Variants in CMSS1 observed in about 807,000 individuals in gnomAD.
CMSS1 encodes cms1 ribosomal small subunit homolog.
A neutral mutation model predicts 43.5 loss-of-function variants in CMSS1; 33 were observed. The ratio of observed to expected loss-of-function variants is 0.76; its 90% CI spans 0.57 to 1.01. The LOEUF (loss-of-function observed/expected upper bound fraction) is 1.01. CMSS1 is among the 50% of genes least tolerant of loss of function. The pLI is 0.00. For synonymous variants in CMSS1, 115 were observed against 117.2 expected, an observed-to-expected ratio of 0.98 and a Z score of 0.12; for missense variants, 313 against 326.4, an observed-to-expected ratio of 0.96 and a Z score of 0.32.
intron 1 of CMSS1, chr3:100,010,239 A>G (rs1710104162): frequency 2.0e-6 from 1 of 505,750 alleles, no homozygotes; most frequent in African/African-American, 2.1e-5. Context: ...ATTTCTCAGT[A>G]TGTTTTTCCC....
chr3:99,828,174 G>A (rs1451140274), intron 1 of CMSS1, among the ~76,000 whole-genome samples: 1 of 152,092 alleles, frequency 6.6e-6, no homozygotes, highest in Non-Finnish European at 1.5e-5. Context: ...TTCACTAAGG[G>A]ATTCCAATGG....
At chr3:99,964,397 G>C (rs1708585158) in intron 1 of CMSS1, 1 of 150,532 alleles carries the variant, frequency 6.6e-6, no homozygotes, top group Non-Finnish European at 1.5e-5. Flanking sequence ...TACTGGGCTA[G>C]GTGATGTTTA....
chr3:100,165,625 A>G (rs2067059805), intron 4 of CMSS1, among the ~76,000 whole-genome samples: 1 of 152,104 alleles, frequency 6.6e-6, no homozygotes, highest in Non-Finnish European at 1.5e-5. Flanking sequence ...CAGCGTTTCC[A>G]TCTACCACAT....
chr3:100,114,254 A>C (rs1370422160), intron 1 of CMSS1: 1 of 151,530 alleles, frequency 6.6e-6, no homozygotes, highest in African/African-American at 2.4e-5. Flanking sequence ...AAGGAGAGGC[A>C]GTGGGGAGCC....
intron 1 of CMSS1, among the ~76,000 whole-genome samples, chr3:99,825,403 A>G (rs1942517932): frequency 6.6e-6 from 1 of 152,208 alleles, no homozygotes; most frequent in African/African-American, 2.4e-5. Context: ...GGAAGGAAAG[A>G]AGAAAGAGGA....
At chr3:100,116,739 A>G (rs2066574414) in intron 1 of CMSS1, among the ~76,000 whole-genome samples, 1 of 152,138 alleles carries the variant, frequency 6.6e-6, no homozygotes. Context: ...AACCCTTTCC[A>G]TATTTGTAAC....
chr3:99,932,240 G>A (rs923356969), intron 1 of CMSS1, among the ~76,000 whole-genome samples: 1 of 151,910 alleles, frequency 6.6e-6, no homozygotes, highest in Non-Finnish European at 1.5e-5. Flanking sequence ...TCATTCCCCT[G>A]TATGTTTCAT....
At chr3:100,159,709 C>A (rs756290320) in intron 2 of CMSS1, 1 of 257,232 alleles carries the variant, frequency 3.9e-6, no homozygotes, top group East Asian at 8.4e-5. Flanking sequence ...AAATCAAGGT[C>A]TTAGTCCAAA....
chr3:99,849,803 T>A, intron 1 of CMSS1: 1 of 1,613,042 alleles, frequency 6.2e-7, no homozygotes, highest in East Asian at 2.2e-5. Context: ...AGCTCCTTAA[T>A]CTTATTGTTT....
intron 1 of CMSS1, among the ~76,000 whole-genome samples, chr3:99,950,054 T>C (rs1051376531): frequency 2.0e-5 from 3 of 152,198 alleles, no homozygotes; most frequent in Admixed American, 6.5e-5. Context: ...CTAAGGAGGA[T>C]TGGGGACAAG....
chr3:100,015,119 A>G (rs1710303296), intron 1 of CMSS1, among the ~76,000 whole-genome samples: 2 of 151,526 alleles, frequency 1.3e-5, no homozygotes, highest in South Asian at 4.2e-4. Context: ...GTAGATATCC[A>G]GTTTTCCCTG....
intron 1 of CMSS1, chr3:100,040,550 C>A (rs1412384811): frequency 6.6e-6 from 1 of 152,186 alleles, no homozygotes; most frequent in Non-Finnish European, 1.5e-5. Context: ...TGCTTTTTCC[C>A]CCCTTCCTTT....
chr3:99,994,153 C>T (rs1709604310), intron 1 of CMSS1, among the ~76,000 whole-genome samples: 1 of 152,082 alleles, frequency 6.6e-6, no homozygotes, highest in Non-Finnish European at 1.5e-5. Flanking sequence ...AATCTTGCTA[C>T]TCATTATTGG....
chr3:100,077,769 G>T (rs1212186549), intron 1 of CMSS1, among the ~76,000 whole-genome samples: 2 of 152,058 alleles, frequency 1.3e-5, no homozygotes, highest in Admixed American at 1.3e-4. Context: ...AATTAGCCAA[G>T]CATGGCTGTG....
intron 9 of CMSS1, among the ~76,000 whole-genome samples, chr3:100,177,281 C>T (rs1347390017): frequency 2.6e-5 from 4 of 152,208 alleles, no homozygotes; most frequent in Non-Finnish European, 4.4e-5. Context: ...GTTACACACA[C>T]GCACATGCAC....
At chr3:100,095,046 A>T (rs919027049) in intron 1 of CMSS1, among the ~76,000 whole-genome samples, 3 of 152,164 alleles carry the variant, frequency 2.0e-5, no homozygotes, top group African/African-American at 7.2e-5. Flanking sequence ...CCAGGCAGGC[A>T]TATTTGCATG....
chr3:99,941,278 T>C (rs187144677), intron 1 of CMSS1, among the ~76,000 whole-genome samples: 1 of 152,324 alleles, frequency 6.6e-6, no homozygotes, highest in Admixed American at 6.5e-5. Flanking sequence ...CAGCTTATTA[T>C]ATTAATAGTA....
chr3:99,954,973 T>A (rs1223400705), intron 1 of CMSS1, among the ~76,000 whole-genome samples: 1 of 152,166 alleles, frequency 6.6e-6, no homozygotes, highest in African/African-American at 2.4e-5. Flanking sequence ...AATAGAAAAA[T>A]CCTGCCATTC....
intron 1 of CMSS1, among the ~76,000 whole-genome samples, chr3:99,819,748 T>G (rs1291918800): frequency 6.7e-6 from 1 of 150,154 alleles, no homozygotes; most frequent in African/African-American, 2.4e-5. Flanking sequence ...AACCAACAGT[T>G]TTTTTTTTCT....
Sources: gnomAD v4.1 joint callset for allele counts (sites outside exome capture counted in the v4.1 genomes callset) on GRCh38, gnomAD v4.1.1 for gene constraint, MANE v1.5 for transcripts, NCBI Gene and HGNC (gene_info 2026-07-23, HGNC 2026-07-21) for gene names.